TMEM132D: variants seen among roughly 807,000 people sequenced by gnomAD.
TMEM132D encodes the protein transmembrane protein 132D.
A neutral mutation model predicts 62.3 loss-of-function variants in TMEM132D; 21 were observed. The ratio of observed to expected loss-of-function variants is 0.34; its 90% CI spans 0.24 to 0.49. The LOEUF (loss-of-function observed/expected upper bound fraction) is 0.49, where lower values mean the gene tolerates loss of function less well. TMEM132D is among the 20% of genes least tolerant of loss of function. The probability of loss-of-function intolerance (pLI) is 0.99; values close to 1 mark genes in which losing one functional copy is unlikely to be tolerated. For missense variants in TMEM132D, 1,346 were observed against 1,402.8 expected (o/e 0.96, Z 0.65); for synonymous variants, 621 against 575.6 (o/e 1.08, Z -1.13).
chr12:129,273,246 C>T (rs555359373), intron 4 of TMEM132D, among the ~76,000 whole-genome samples: 14 of 151,616 alleles, frequency 9.2e-5, no homozygotes, highest in South Asian at 2.1e-4. Flanking sequence ...GAATAATAGA[C>T]GCTGGTGAAG....
intron 2 of TMEM132D, among the ~76,000 whole-genome samples, chr12:129,555,361 G>T (rs2137109067): frequency 6.6e-6 from 1 of 152,292 alleles, no homozygotes; most frequent in Non-Finnish European, 1.5e-5. Context: ...GCCTAAGGTG[G>T]GATGAAAGTT....
At chr12:129,657,773 T>C (rs576309019) in intron 2 of TMEM132D, among the ~76,000 whole-genome samples, 2 of 152,262 alleles carry the variant, frequency 1.3e-5, no homozygotes, top group African/African-American at 4.8e-5. Flanking sequence ...TCCTTAAACT[T>C]AGACACTGGA....
At chr12:129,423,313 A>T (rs761906305) in intron 3 of TMEM132D, among the ~76,000 whole-genome samples, 2 of 152,188 alleles carry the variant, frequency 1.3e-5, no homozygotes, top group Non-Finnish European at 2.9e-5. Context: ...AATAAAACTA[A>T]GGAAAATCAG....
chr12:129,410,546 G>C (rs1279124823), intron 3 of TMEM132D, among the ~76,000 whole-genome samples: 2 of 151,854 alleles, frequency 1.3e-5, no homozygotes. Context: ...TTTTAGTACA[G>C]ATGGGGTTTC....
chr12:129,545,474 T>C (rs1288038576), intron 2 of TMEM132D, among the ~76,000 whole-genome samples: 1 of 152,224 alleles, frequency 6.6e-6, no homozygotes, highest in Non-Finnish European at 1.5e-5. Flanking sequence ...TAAGAACAGT[T>C]AACATGAGAT....
intron 2 of TMEM132D, among the ~76,000 whole-genome samples, chr12:129,672,096 C>T (rs1243837788): frequency 1.3e-5 from 2 of 152,160 alleles, no homozygotes; most frequent in African/African-American, 2.4e-5. Flanking sequence ...TTCATTTCAT[C>T]GACCTTGGAA....
intron 3 of TMEM132D, among the ~76,000 whole-genome samples, chr12:129,387,638 C>T (rs1337622112): frequency 3.3e-5 from 5 of 151,946 alleles, no homozygotes; most frequent in African/African-American, 2.4e-5. Flanking sequence ...ATAATACTAA[C>T]GTTAATGCTA....
chr12:129,264,868 G>T (rs1052079326), intron 4 of TMEM132D, among the ~76,000 whole-genome samples: 3 of 152,122 alleles, frequency 2.0e-5, no homozygotes, highest in Non-Finnish European at 2.9e-5. Flanking sequence ...TAAGCTATAA[G>T]GACACAAAGA....
intron 2 of TMEM132D, among the ~76,000 whole-genome samples, chr12:129,536,895 G>A (rs1280009969): frequency 1.3e-5 from 2 of 152,118 alleles, no homozygotes; most frequent in Admixed American, 6.5e-5. Context: ...GGTAGCTCAC[G>A]CCTGTAATCC....
At chr12:129,119,537 T>C (rs1032168) in intron 5 of TMEM132D, among the ~76,000 whole-genome samples, 7,737 of 152,294 alleles carry the variant, frequency 0.051, 562 homozygotes, top group African/African-American at 0.16. Context: ...CCAGGCTTTA[T>C]ACAAAGAGAC....
Position 129,867,471 on chromosome 12 carries a change from G to GA in TMEM132D, c.79+35789dup, listed in dbSNP as rs1449387804. 6.6e-6 allele frequency among the ~76,000 whole-genome samples: 1 copy of GA among 152,172 alleles called. No individual in the cohort carries two copies. The highest frequency in any genetic ancestry group is 2.4e-5 in the African/African-American group (1 of 41,448). Reference sequence around the variant, plus strand: ...GGTGAGAGAATAGGGAGATGCTGATGAAAAAGGGAAAACCTTCTATTATGC... The same window carrying GA: ...GGTGAGAGAATAGGGAGATGCTGATGAAAAAAGGGAAAACCTTCTATTATGC... On this transcript the variant is annotated intron_variant, in intron 1 of 8. Coordinates refer to ENST00000422113, the MANE Select transcript of TMEM132D (RefSeq NM_133448.3). This position sits in a 1 kb window ranked among gnomAD's most constrained non-coding sequence, Gnocchi z 4.5.
chr12:129,129,675 G>C (rs1462179513), intron 5 of TMEM132D, among the ~76,000 whole-genome samples: 3 of 152,018 alleles, frequency 2.0e-5, no homozygotes, highest in Non-Finnish European at 4.4e-5. Context: ...TTTAATACTA[G>C]CCATATTCTG....
In TMEM132D at chr12:129,180,208, T is replaced by G. The variant is rs1025601069; in HGVS notation, c.1443+29312A>C. On this transcript the variant is annotated intron_variant, in intron 5 of 8. Coordinates refer to ENST00000422113, the MANE Select transcript of TMEM132D (RefSeq NM_133448.3). The stretch of plus-strand genomic sequence containing the variant: ...GTGCATTCGTAAGCAGCACAGATAG[T>G]GGGGAGGAGGAGGAGGAGGAGGAGG... Among the ~76,000 whole-genome samples, 8 of 127,086 alleles carry G rather than the reference T, an allele frequency of 6.3e-5. No homozygotes were observed. The South Asian group carries it at 1.8e-3, about 29-fold the overall frequency. 83.4% of individuals were successfully genotyped at this position (127,086 alleles called of 152,430 possible).
chr12:129,780,609 G>A (rs1871091928), intron 1 of TMEM132D, among the ~76,000 whole-genome samples: 1 of 151,982 alleles, frequency 6.6e-6, no homozygotes, highest in South Asian at 2.1e-4. Context: ...TGGCTTTGAG[G>A]GCACTTGAGT....
At chr12:129,484,827 A>G (rs1235164014) in intron 3 of TMEM132D, among the ~76,000 whole-genome samples, 2 of 152,276 alleles carry the variant, frequency 1.3e-5, no homozygotes, top group Admixed American at 6.5e-5. Flanking sequence ...AGAACAAAAG[A>G]TAAGAATTCA....
chr12:129,684,636 G>A (rs1323302178), intron 2 of TMEM132D, among the ~76,000 whole-genome samples: 1 of 152,056 alleles, frequency 6.6e-6, no homozygotes, highest in African/African-American at 2.4e-5. Flanking sequence ...TGTTTGGAGG[G>A]CTCAGAAGAA....
At chr12:129,147,265 T>TGCATATGTATATATATACATGTGC (rs1565978383) in intron 5 of TMEM132D, among the ~76,000 whole-genome samples, 1 of 148,866 alleles carries the variant, frequency 6.7e-6, no homozygotes, top group African/African-American at 2.5e-5. Flanking sequence ...TATACATATG[T>TGCATATGTATATATATACATGTGC]GCATATGTAT....
intron 3 of TMEM132D, among the ~76,000 whole-genome samples, chr12:129,383,918 A>C (rs986594739): frequency 3.3e-5 from 5 of 152,164 alleles, no homozygotes; most frequent in African/African-American, 1.2e-4. Context: ...TAATTCCCAT[A>C]AGGACCCGGA....
rs2135616011 is a variant in TMEM132D at position 129,081,827 on chromosome 12, G to T, written c.1855C>A (p.Pro619Thr). ...LINDFMQVEEPRIAKLQGGQI... is the reference protein window; with the variant it reads ...LINDFMQVEETRIAKLQGGQI... Reference sequence around the variant, plus strand: ...CCGCCTTGCAGCTTGGCGATCCTGGGCTCCTCCACCTGCATGAAGTCATTT... The same window carrying T: ...CCGCCTTGCAGCTTGGCGATCCTGGTCTCCTCCACCTGCATGAAGTCATTT... The change falls in exon 7 of 9, where the codon CCC becomes ACC. Residue 619 changes from proline to threonine, a missense_variant. By Grantham distance (38) the Pro-to-Thr change is conservative. Transcript: ENST00000422113. 2 of 1,613,662 alleles carry T rather than the reference G, an allele frequency of 1.2e-6. No homozygotes were observed. Among genetic ancestry groups the T allele is most frequent in the South Asian group, 2.2e-5 (2 of 91,042 alleles).
Sources: gnomAD v4.1 joint callset for allele counts (sites outside exome capture counted in the v4.1 genomes callset) on GRCh38, gnomAD v4.1.1 for gene constraint, Gnocchi (gnomAD v3.1) non-coding constraint, MANE v1.5 for transcripts, NCBI Gene and HGNC (gene_info 2026-07-23, HGNC 2026-07-21) for gene names.